USP39: variants seen among roughly 807,000 people sequenced by gnomAD.
USP39 encodes the protein ubiquitin carboxyl-terminal hydrolase 39.
USP39 carries 38 observed loss-of-function variants against 66.4 expected under a neutral mutation model. The ratio of observed to expected loss-of-function variants is 0.57; its 90% confidence interval spans 0.44 to 0.75. The LOEUF (loss-of-function observed/expected upper bound fraction) is 0.75, where lower values mean the gene tolerates loss of function less well. Ranked by LOEUF, USP39 falls within the 30% of genes least tolerant of loss-of-function variation. The pLI is 0.00. For missense variants in USP39, 608 were observed against 714.4 expected (o/e 0.85, Z 1.70); for synonymous variants, 303 against 274.6 (o/e 1.10, Z -1.02).
intron 4 of USP39, among the ~76,000 whole-genome samples, chr2:85,624,442 T>A (rs991857812): frequency 3.3e-5 from 5 of 151,820 alleles, no homozygotes; most frequent in Non-Finnish European, 7.4e-5. Flanking sequence ...ACCTCATGGG[T>A]TCAAGTGATA....
At chr2:85,605,223 CAA>C (rs1213958784) in intron 1 of USP39, among the ~76,000 whole-genome samples, 4 of 151,944 alleles carry the variant, frequency 2.6e-5, no homozygotes, top group African/African-American at 9.7e-5. Context: ...CCCAAGTACA[CAA>C]GTTATTTCAC....
intron 6 of USP39, among the ~76,000 whole-genome samples, chr2:85,635,492 G>A (rs539211127): frequency 2.6e-5 from 4 of 152,154 alleles, no homozygotes; most frequent in South Asian, 4.2e-4. Flanking sequence ...CCCAGGAGGC[G>A]GAGGTTGCAG....
chr2:85,607,219 A>G (rs1225483934), upstream of USP39: 1 of 152,188 alleles, frequency 6.6e-6, no homozygotes, highest in East Asian at 1.9e-4. Flanking sequence ...GTGAAATCCT[A>G]TGTTCCAAGT....
chr2:85,605,339 C>T (rs1673176500), intron 1 of USP39, among the ~76,000 whole-genome samples: 1 of 152,004 alleles, frequency 6.6e-6, no homozygotes, highest in Non-Finnish European at 1.5e-5. Context: ...ATAATTTGTA[C>T]ACTACATTTT....
At chr2:85,605,267 G>T (rs144336312) in intron 1 of USP39, among the ~76,000 whole-genome samples, 2 of 152,012 alleles carry the variant, frequency 1.3e-5, no homozygotes, top group African/African-American at 4.8e-5. Context: ...TGTAAAAATC[G>T]TAAGTTTATT....
chr2:85,636,199 G>A, intron 7 of USP39, 69 bp downstream of exon 7: 1 of 1,434,158 alleles, frequency 7.0e-7, no homozygotes. Flanking sequence ...CGGTCGCAAT[G>A]GCTCATGCCT....
upstream of USP39, chr2:85,611,290 G>A (rs182907014): frequency 1.4e-5 from 20 of 1,419,658 alleles, no homozygotes; most frequent in East Asian, 4.7e-4. Flanking sequence ...TCTCTAGGTA[G>A]CAGAGAAGCT....
At chr2:85,626,979 C>T (rs1192999145) in intron 5 of USP39, among the ~76,000 whole-genome samples, 3 of 152,084 alleles carry the variant, frequency 2.0e-5, no homozygotes, top group Non-Finnish European at 4.4e-5. Flanking sequence ...GAACTCCTGA[C>T]CTCGTGATCC....
At chr2:85,623,224 G>A (rs1674595458) in intron 3 of USP39, among the ~76,000 whole-genome samples, 1 of 152,038 alleles carries the variant, frequency 6.6e-6, no homozygotes. Flanking sequence ...ACTGAGTGAT[G>A]ATGGACTGTC....
Position 85,623,662 on chromosome 2 carries a change from T to G in USP39, c.450T>G (p.Ser150=). The part of the protein sequence containing the change: ...GKYFQGRGLK[S]HAYIHSVQFS... ...TCCCTACAGGCCGGGGTTTGAAGTC[T>G]CACGCCTACATTCACAGTGTCCAGT... The change falls in exon 4 of 13, where the codon TCT becomes TCG. Residue 150 remains serine, a synonymous_variant. Coordinates refer to ENST00000323701, the MANE Select transcript of USP39 (RefSeq NM_006590.4). The G allele has an allele frequency of 6.8e-6, 11 of 1,613,590 alleles. No homozygotes were observed. Among genetic ancestry groups the G allele is most frequent in the Non-Finnish European group, 9.3e-6 (11 of 1,179,818 alleles).
chr2:85,626,480 A>T (rs1674873440), intron 5 of USP39, among the ~76,000 whole-genome samples: 1 of 152,246 alleles, frequency 6.6e-6, no homozygotes, highest in Non-Finnish European at 1.5e-5. Context: ...TCCTTTGCTC[A>T]CTGGGCTGCT....
intron 11 of USP39, among the ~76,000 whole-genome samples, chr2:85,645,581 G>A (rs541503999): frequency 2.0e-5 from 3 of 152,164 alleles, no homozygotes; most frequent in Non-Finnish European, 2.9e-5. Flanking sequence ...CGCGCCAACC[G>A]GGAGCTTTTT....
intron 9 of USP39, among the ~76,000 whole-genome samples, chr2:85,640,260 G>A (rs555174435): frequency 6.6e-6 from 1 of 151,876 alleles, no homozygotes; most frequent in Non-Finnish European, 1.5e-5. Context: ...TCATTTAGGA[G>A]AGGAGAAACT....
chr2:85,616,101 T>A (rs1673902543), upstream of USP39: 1 of 1,361,116 alleles, frequency 7.3e-7, no homozygotes, highest in African/African-American at 1.5e-5. Flanking sequence ...CGTAGAGAGT[T>A]CGGGGCTCGC....
chr2:85,645,428 C>T (rs953301500), intron 11 of USP39, among the ~76,000 whole-genome samples: 2 of 151,962 alleles, frequency 1.3e-5, no homozygotes, highest in African/African-American at 4.8e-5. Flanking sequence ...GGATTACAGG[C>T]GCCCATCACC....
At chr2:85,612,319 CA>C, upstream of USP39, 1 of 1,536,042 alleles carries the variant, frequency 6.5e-7, no homozygotes. Flanking sequence ...ATCTATAACA[CA>C]ACTCGATGCT....
intron 6 of USP39, among the ~76,000 whole-genome samples, chr2:85,633,370 G>A (rs560481008): frequency 2.4e-3 from 372 of 152,102 alleles, no homozygotes; most frequent in Non-Finnish European, 4.1e-3. Flanking sequence ...TGATCCACCC[G>A]CCTCGGCCTC....
intron 1 of USP39, among the ~76,000 whole-genome samples, chr2:85,618,853 G>A (rs928987997): frequency 1.3e-5 from 2 of 151,316 alleles, no homozygotes; most frequent in African/African-American, 2.4e-5. Context: ...CACTGCAACC[G>A]CCTTCTCCCA....
At chr2:85,612,005 TCGC>T, upstream of USP39, 1 of 1,481,982 alleles carries the variant, frequency 6.7e-7, no homozygotes, top group Non-Finnish European at 8.9e-7. Flanking sequence ...GGACGCAGAG[TCGC>T]CGCCGCCTCG....
Sources: allele counts gnomAD v4.1 joint callset (sites outside exome capture counted in the v4.1 genomes callset), GRCh38; gene constraint gnomAD v4.1.1; transcripts MANE v1.5; gene names NCBI Gene and HGNC (gene_info 2026-07-23, HGNC 2026-07-21).